Variants in ITFG2 observed in about 807,000 individuals in gnomAD.
ITFG2 encodes integrin alpha FG-GAP repeat containing 2.
A neutral mutation model predicts 54.4 loss-of-function variants in ITFG2; 36 were observed. The ratio of observed to expected loss-of-function variants is 0.66; its 90% confidence interval spans 0.51 to 0.87. The LOEUF (loss-of-function observed/expected upper bound fraction) is 0.87, where lower values mean the gene tolerates loss of function less well. Among genes scored for constraint, ITFG2 ranks in the 40% least tolerant of loss-of-function variants. ITFG2 has a pLI of 0.00. For missense variants in ITFG2, 524 were observed against 576.7 expected (o/e 0.91, Z 0.94); for synonymous variants, 211 against 225.4 (o/e 0.94, Z 0.57).
downstream of ITFG2, chr12:2,827,362 C>G: frequency 1.3e-6 from 2 of 1,555,944 alleles, no homozygotes; most frequent in South Asian, 1.2e-5. The surrounding 1 kb of genome is among the most constrained non-coding windows in gnomAD (Gnocchi z 4.0). Context: ...CCGGCCTGCT[C>G]CTTTTGTTCC....
downstream of ITFG2, chr12:2,828,452 A>G (rs948532941): frequency 3.3e-6 from 5 of 1,510,684 alleles, no homozygotes; most frequent in Admixed American, 3.5e-5. Flanking sequence ...GTGAGTCCCT[A>G]GGAGAATGGG....
rs369391939 is a variant in ITFG2 at position 2,821,545 on chromosome 12, C to T, written c.796C>T (p.His266Tyr). 1.9e-6 allele frequency: 3 copies of T among 1,614,026 alleles called. No homozygotes were observed. The highest frequency in any genetic ancestry group is 2.7e-5 in the African/African-American group (2 of 74,918). Residue 266 changes from histidine (H) to tyrosine (Y), a missense_variant and splice_region_variant, in exon 8 of 12, where the codon CAC (histidine) becomes TAC (tyrosine). Transcript: ENST00000228799. ...TATTCTTCCTCTGGTCCTCACAGGC[C>T]ACGGCACTGAGAGTAGTGGCTCTGG... ...THLIGNIKQG[H>Y]GTESSGSGLF...
chr12:2,828,286 A>G (rs757552402), downstream of ITFG2: 13 of 1,544,768 alleles, frequency 8.4e-6, no homozygotes, highest in East Asian at 1.1e-4. Context: ...CATCACCCCA[A>G]AAAGAAACCC....
chr12:2,843,832 T>C (rs1291231073), intron 2 of ITFG2, among the ~76,000 whole-genome samples: 1 of 140,300 alleles, frequency 7.1e-6, no homozygotes, highest in Admixed American at 7.4e-5. Context: ...AAGTTCCAAC[T>C]CTGTCCCTGT....
In ITFG2 at chr12:2,845,874, C is replaced by CT. The variant is rs113864521; in HGVS notation, n.300+4887dup. 0.23 allele frequency among the ~76,000 whole-genome samples: 34,483 copies of CT among 151,476 alleles called. 5,184 individuals carry two copies. Among genetic ancestry groups the CT allele is most frequent in the African/African-American group, 0.43 (17,548 of 41,194 alleles). On this transcript the variant is annotated intron_variant and non_coding_transcript_variant, in intron 2 of 3. Coordinates refer to the ITFG2 transcript ENST00000537710. The surrounding 1 kb of genome is among the most constrained non-coding windows in gnomAD (Gnocchi z 4.2). ...GCTGAGCTGGGGTGATTTTCTTTTT[C>CT]TTTTTTTTGTTGAGTTAGGGTCTCA...
chr12:2,816,523 G>T (rs1333213445), intron 1 of ITFG2, among the ~76,000 whole-genome samples: 2 of 151,218 alleles, frequency 1.3e-5, no homozygotes, highest in Non-Finnish European at 2.9e-5. Flanking sequence ...TAGAAACAGG[G>T]TTTCACTGTG....
At chr12:2,859,462 G>A (rs1466818757) in intron 3 of ITFG2, 2 of 1,613,806 alleles carry the variant, frequency 1.2e-6, no homozygotes, top group Non-Finnish European at 1.7e-6. Flanking sequence ...GATGGGGCCG[G>A]GGAGGGCCAC....
chr12:2,834,919 G>A (rs760953722), upstream of ITFG2: 72 of 1,612,888 alleles, frequency 4.5e-5, no homozygotes, highest in Non-Finnish European at 5.2e-5. Flanking sequence ...TCTCTGTCCC[G>A]TGCTGCAGCT....
At position 2,821,330 on chromosome 12, in the gene ITFG2, C is replaced by A; in HGVS notation, c.764C>A (p.Ser255Tyr). 6.2e-7 allele frequency: 1 copy of A among 1,609,480 alleles called. No individual in the cohort carries two copies. Among genetic ancestry groups the A allele is most frequent in the Non-Finnish European group, 8.5e-7 (1 of 1,177,872 alleles). The change falls in exon 7 of 12, where the codon TCC (serine) becomes TAC (tyrosine). Residue 255 changes from serine to tyrosine, a missense_variant. Transcript: ENST00000228799. The part of the protein sequence containing the change: ...TSGRIHNKNV[S>Y]THLIGNIKQG... ...GGCCGTATCCACAACAAGAATGTCT[C>A]CACTCACCTAATTGGCAACATCAAA...
downstream of ITFG2, chr12:2,830,909 TC>T: frequency 6.3e-7 from 1 of 1,583,004 alleles, no homozygotes; most frequent in Non-Finnish European, 8.6e-7. Flanking sequence ...AACCCAGGCA[TC>T]CAGGCTGCTC....
intron 2 of ITFG2, among the ~76,000 whole-genome samples, chr12:2,850,786 C>A (rs2153928513): frequency 6.6e-6 from 1 of 151,854 alleles, no homozygotes; most frequent in African/African-American, 2.4e-5. Flanking sequence ...GATTCTCCTG[C>A]CTCAGCCTCC....
downstream of ITFG2, among the ~76,000 whole-genome samples, chr12:2,829,443 C>G (rs1565428248): frequency 6.6e-6 from 1 of 152,126 alleles, no homozygotes; most frequent in African/African-American, 2.4e-5. Context: ...TAATATAACT[C>G]TACTATATGG....
intron 2 of ITFG2, chr12:2,849,258 C>A (rs2098062287): frequency 1.3e-6 from 2 of 1,536,022 alleles, no homozygotes; most frequent in African/African-American, 2.7e-5. Flanking sequence ...TTCTCTTCCT[C>A]TTCCTTGCTG....
chr12:2,853,420 CTG>C (rs2098077260), intron 2 of ITFG2, among the ~76,000 whole-genome samples: 2 of 152,012 alleles, frequency 1.3e-5, no homozygotes, highest in Non-Finnish European at 2.9e-5. Flanking sequence ...TTACAGGCGC[CTG>C]CCACCACGCC....
At chr12:2,828,536 C>G, downstream of ITFG2, 1 of 809,578 alleles carries the variant, frequency 1.2e-6, no homozygotes, top group Middle Eastern at 2.9e-4. Context: ...AATGAACTGT[C>G]TTTAAAACTG....
intron 2 of ITFG2, among the ~76,000 whole-genome samples, chr12:2,853,332 G>A (rs540664727): frequency 6.6e-6 from 1 of 152,148 alleles, no homozygotes; most frequent in East Asian, 1.9e-4. Context: ...CTGGAGTGCA[G>A]TGGCGTGTTG....
intron 2 of ITFG2, among the ~76,000 whole-genome samples, chr12:2,853,357 C>T (rs1300608255): frequency 6.6e-6 from 1 of 152,142 alleles, no homozygotes; most frequent in Non-Finnish European, 1.5e-5. Context: ...ACTGCAACCT[C>T]CACCTCCCGG....
At chr12:2,851,981 C>G (rs2098072585) in intron 2 of ITFG2, among the ~76,000 whole-genome samples, 1 of 152,152 alleles carries the variant, frequency 6.6e-6, no homozygotes, top group Admixed American at 6.5e-5. Flanking sequence ...TCCCGGTCCA[C>G]TAAATTTATT....
At chr12:2,848,138 C>T (rs953234177) in intron 2 of ITFG2, among the ~76,000 whole-genome samples, 1 of 152,186 alleles carries the variant, frequency 6.6e-6, no homozygotes, top group Non-Finnish European at 1.5e-5. Flanking sequence ...TAAAGCAGCT[C>T]TAGAGCCCTG....
Sources: allele counts gnomAD v4.1 joint callset (sites outside exome capture counted in the v4.1 genomes callset), GRCh38; gene constraint gnomAD v4.1.1; non-coding constraint Gnocchi (gnomAD v3.1); transcripts MANE v1.5; gene names NCBI Gene and HGNC (gene_info 2026-07-23, HGNC 2026-07-21).